GREB1L: variants seen among roughly 807,000 people sequenced by gnomAD.
GREB1L encodes the protein GREB1-like protein.
A neutral mutation model predicts 200.8 loss-of-function variants in GREB1L; 17 were observed. That is an observed-to-expected ratio of 0.08 (90% CI 0.06 to 0.13). The LOEUF is 0.13. Among genes scored for constraint, GREB1L ranks in the 10% least tolerant of loss-of-function variants. The pLI, the probability that GREB1L is intolerant of heterozygous loss-of-function variation, is 1.00. For missense variants in GREB1L, 1,657 were observed against 2,367.7 expected, an observed-to-expected ratio of 0.70 and a Z score of 6.23; for synonymous variants, 789 against 893.0, an observed-to-expected ratio of 0.88 and a Z score of 2.08.
intron 1 of GREB1L, among the ~76,000 whole-genome samples, chr18:21,270,411 A>T (rs1277206492): frequency 6.6e-6 from 1 of 152,142 alleles, no homozygotes; most frequent in African/African-American, 2.4e-5. Flanking sequence ...GAGTGGTAGG[A>T]GGGAAGCCTG....
chr18:21,480,575 G>A (rs1469514753), intron 17 of GREB1L, among the ~76,000 whole-genome samples: 1 of 152,164 alleles, frequency 6.6e-6, no homozygotes, highest in African/African-American at 2.4e-5. Context: ...TACATGTAAG[G>A]GAGAAGCTCC....
chr18:21,274,760 A>T (rs2038134822), intron 1 of GREB1L, among the ~76,000 whole-genome samples: 1 of 151,834 alleles, frequency 6.6e-6, no homozygotes, highest in Non-Finnish European at 1.5e-5. Context: ...GGTGGAGTGC[A>T]CCCATAGTCC....
chr18:21,500,114 C>T lies in GREB1L; in HGVS notation c.3777C>T (p.His1259=), dbSNP rs368823549. ...CATCCTCCTCCTCCCTGCTGCCCCA[C>T]GCCGACGTGGCCTGGGTGAGCTCCC... ...KLPSSSSLLP[H]ADVAWVSSLR... Residue 1259 remains histidine, a synonymous_variant, in exon 22 of 33, where the codon CAC becomes CAT. Transcript: ENST00000424526. 2.1e-5 allele frequency: 33 copies of T among 1,551,602 alleles called. No homozygotes were observed. Among genetic ancestry groups the T allele is most frequent in the Non-Finnish European group, 2.4e-5 (28 of 1,147,026 alleles).
intron 8 of GREB1L, 56 bp downstream of exon 8, chr18:21,439,693 C>A: frequency 1.8e-6 from 2 of 1,103,248 alleles, no homozygotes; most frequent in Non-Finnish European, 1.4e-6. Context: ...GTTACAAGTG[C>A]TCCAGATTTT....
Position 21,300,175 on chromosome 18 carries a change from C to A in GREB1L, c.-120+57782C>A, listed in dbSNP as rs1162942427. ...AAAATTGTTAATGCAGATGAGGTTG[C>A]CTTCTGTTGTGTGATGCTAATAGGA... On this transcript the variant is annotated intron_variant, in intron 1 of 32. Transcript: ENST00000424526. 2.6e-5 allele frequency among the ~76,000 whole-genome samples: 4 copies of A among 152,136 alleles called. No individual in the cohort carries two copies. The East Asian group carries it at 7.7e-4, about 29-fold the overall frequency.
chr18:21,272,475 A>AT (rs1279699037), intron 1 of GREB1L, among the ~76,000 whole-genome samples: 1 of 152,188 alleles, frequency 6.6e-6, no homozygotes, highest in Non-Finnish European at 1.5e-5. Flanking sequence ...GGATAAAGGT[A>AT]TTTTTTTACA....
chr18:21,388,899 G>A (rs1293948462), intron 4 of GREB1L, among the ~76,000 whole-genome samples: 1 of 152,064 alleles, frequency 6.6e-6, no homozygotes, highest in Non-Finnish European at 1.5e-5. Context: ...ATCTGGGGAG[G>A]AAGATCACAG....
At chr18:21,357,287 C>T (rs1181901897) in intron 1 of GREB1L, among the ~76,000 whole-genome samples, 14 of 152,302 alleles carry the variant, frequency 9.2e-5, no homozygotes, top group African/African-American at 3.1e-4. Context: ...CTCCTGACCT[C>T]GTGATCCGCC....
In GREB1L at chr18:21,508,140, C is replaced by G. The variant is rs769592054; in HGVS notation, c.4391C>G (p.Ala1464Gly). Residue 1464 changes from alanine to glycine, a missense_variant, in exon 26 of 33, where the codon GCC becomes GGC. Transcript: ENST00000424526. ...TAGATGTCTGACTCCACCCTTCATG[C>G]CTTCACATTCTCTTCTTCTATGCTG... ...ASQMSDSTLHAFTFSSSMLGE... is the reference protein window; with the variant it reads ...ASQMSDSTLHGFTFSSSMLGE... 6.4e-7 allele frequency: 1 copy of G among 1,551,606 alleles called. No homozygotes were observed. Among genetic ancestry groups the G allele is most frequent in the African/African-American group, 1.4e-5 (1 of 73,170 alleles).
At chr18:21,407,214 G>T (rs1357570881) in intron 7 of GREB1L, among the ~76,000 whole-genome samples, 2 of 151,956 alleles carry the variant, frequency 1.3e-5, no homozygotes, top group African/African-American at 2.4e-5. Flanking sequence ...TCAAATTTTG[G>T]CCACCAATCT....
In GREB1L at chr18:21,452,446, A is replaced by T; in HGVS notation, c.1984+229A>T. The T allele has an allele frequency of 1.7e-5, 8 of 481,294 alleles. 1 individual carries two copies. In the South Asian group the frequency reaches 2.6e-4, roughly 15 times the overall value. 29.8% of individuals were successfully genotyped at this position (481,294 alleles called of 1,614,324 possible). On this transcript the variant is annotated intron_variant, in intron 14 of 32. Coordinates refer to ENST00000424526, the MANE Select transcript of GREB1L (RefSeq NM_001142966.3). ...TCTGGAATGAAAATCAAAGTCAAAGACTTTATCTTAAGCACTCTCTCTTTT... is the reference window on the plus strand; with the variant it reads ...TCTGGAATGAAAATCAAAGTCAAAGTCTTTATCTTAAGCACTCTCTCTTTT...
intron 7 of GREB1L, among the ~76,000 whole-genome samples, chr18:21,436,817 C>T (rs1427758524): frequency 6.6e-6 from 1 of 151,514 alleles, no homozygotes; most frequent in Non-Finnish European, 1.5e-5. Context: ...CTTAAGCAAC[C>T]CTCCCACCTC....
chr18:21,440,370 C>G lies in GREB1L; in HGVS notation c.1051C>G (p.Arg351Gly). 1 of 1,551,658 alleles carries G rather than the reference C, an allele frequency of 6.4e-7. No homozygotes were observed. The highest frequency in any genetic ancestry group is 8.7e-7 in the Non-Finnish European group (1 of 1,146,710). The change falls in exon 9 of 33, where the codon CGC (arginine) becomes GGC (glycine). Residue 351 changes from arginine (R) to glycine (G), a missense_variant. This residue lies in a region of GREB1L where 289 missense variants were observed against 345.1 expected (regional missense o/e 0.84). Transcript: ENST00000424526. ...PGLVVPVPTV[R>G]PLSRTEPLLS... Reference sequence around the variant, plus strand: ...CTTAGTTGTACCTGTCCCTACAGTTCGCCCTCTTTCAAGAACGGGTAAGAT... The same window carrying G: ...CTTAGTTGTACCTGTCCCTACAGTTGGCCCTCTTTCAAGAACGGGTAAGAT...
chr18:21,369,618 T>C (rs1187515294), intron 2 of GREB1L, among the ~76,000 whole-genome samples: 1 of 152,146 alleles, frequency 6.6e-6, no homozygotes, highest in Non-Finnish European at 1.5e-5. Flanking sequence ...TCTAAAAAAA[T>C]TTAATATATA....
At chr18:21,260,467 T>A (rs1186395862) in intron 1 of GREB1L, among the ~76,000 whole-genome samples, 1 of 151,996 alleles carries the variant, frequency 6.6e-6, no homozygotes, top group Non-Finnish European at 1.5e-5. Flanking sequence ...TTTAAACTGT[T>A]AGTCCTTTAT....
At chr18:21,246,665 T>C (rs2037608001) in intron 1 of GREB1L, among the ~76,000 whole-genome samples, 1 of 152,226 alleles carries the variant, frequency 6.6e-6, no homozygotes, top group Non-Finnish European at 1.5e-5. Context: ...TCCAATAGAC[T>C]TTTTTCAAAC....
chr18:21,247,509 C>G (rs972237125), intron 1 of GREB1L, among the ~76,000 whole-genome samples: 7 of 152,038 alleles, frequency 4.6e-5, no homozygotes, highest in African/African-American at 1.7e-4. Flanking sequence ...CAGTTGTGTC[C>G]TGTATTCCCG....
intron 1 of GREB1L, among the ~76,000 whole-genome samples, chr18:21,283,751 C>T (rs1416511910): frequency 1.3e-5 from 2 of 152,144 alleles, no homozygotes; most frequent in Admixed American, 6.6e-5. Context: ...TCTGAAATGA[C>T]TAGCTATTTG....
At chr18:21,451,219 A>G in intron 13 of GREB1L, 68 bp downstream of exon 13, 1 of 1,495,656 alleles carries the variant, frequency 6.7e-7, no homozygotes, top group Admixed American at 2.0e-5. Flanking sequence ...TTTAAATCTT[A>G]GCCTGTCAAG....
Sources: gnomAD v4.1 joint callset for allele counts (sites outside exome capture counted in the v4.1 genomes callset) on GRCh38, gnomAD v4.1.1 for gene constraint, gnomAD v4.1.1 regional missense constraint, MANE v1.5 for transcripts, NCBI Gene and HGNC (gene_info 2026-07-23, HGNC 2026-07-21) for gene names.